COL25A1: variants seen among roughly 807,000 people sequenced by gnomAD.
COL25A1 encodes the protein collagen alpha-1(XXV) chain.
COL25A1 carries 103 observed loss-of-function variants against 128.4 expected under a neutral mutation model. The observed-to-expected ratio is 0.80, with a 90% CI of 0.68 to 0.94. The LOEUF (loss-of-function observed/expected upper bound fraction) is 0.94, where lower values mean the gene tolerates loss of function less well. Among genes scored for constraint, COL25A1 ranks in the 40% least tolerant of loss-of-function variants. The pLI is 0.00. For synonymous variants in COL25A1, 279 were observed against 277.2 expected (o/e 1.01, Z -0.06); for missense variants, 745 against 840.0 (o/e 0.89, Z 1.40).
chr4:108,951,546 C>A (rs917449520), intron 8 of COL25A1, among the ~76,000 whole-genome samples: 2 of 151,864 alleles, frequency 1.3e-5, no homozygotes, highest in Non-Finnish European at 2.9e-5. Flanking sequence ...CCACCACGCC[C>A]GGCAAATTTT....
intron 6 of COL25A1, among the ~76,000 whole-genome samples, chr4:108,984,676 G>A (rs1256370932): frequency 6.6e-6 from 1 of 152,208 alleles, no homozygotes; most frequent in Admixed American, 6.5e-5. Flanking sequence ...ACGCCCACCC[G>A]GAACTCCCGC....
At position 108,929,272 on chromosome 4, in the gene COL25A1, T is replaced by G. The variant is rs890304438; in HGVS notation, c.708+8536A>C. 1.4e-4 allele frequency among the ~76,000 whole-genome samples: 22 copies of G among 151,804 alleles called. No homozygotes were observed. In the East Asian group the frequency reaches 3.5e-3, roughly 24 times the overall value. On this transcript the variant is annotated intron_variant, in intron 11 of 37. Transcript: ENST00000399132. ...CAGAGTAGCTGGGACTACAGGCACC[T>G]CCCACCATGCCTGCTAATTTTTTCT...
At chr4:108,893,047 G>C (rs966278211) in intron 16 of COL25A1, among the ~76,000 whole-genome samples, 1 of 152,150 alleles carries the variant, frequency 6.6e-6, no homozygotes, top group African/African-American at 2.4e-5. Flanking sequence ...AGACAGTTTG[G>C]TTGGCTCCAA....
chr4:109,267,499 C>G (rs1032598664), intron 3 of COL25A1, among the ~76,000 whole-genome samples: 2 of 152,020 alleles, frequency 1.3e-5, no homozygotes, highest in Non-Finnish European at 2.9e-5. Context: ...TCAATGTCTC[C>G]CATCAAACTA....
At chr4:109,105,026 C>T (rs559697203) in intron 3 of COL25A1, among the ~76,000 whole-genome samples, 5 of 152,192 alleles carry the variant, frequency 3.3e-5, no homozygotes, top group Middle Eastern at 3.4e-3. Context: ...TGATATTCTA[C>T]CTTGGATTGT....
chr4:109,141,108 A>T (rs1442154891), intron 3 of COL25A1, among the ~76,000 whole-genome samples: 2 of 152,082 alleles, frequency 1.3e-5, no homozygotes, highest in Non-Finnish European at 2.9e-5. Flanking sequence ...GATATGTTCC[A>T]TCAATACCTA....
At chr4:109,109,447 G>T (rs1189711214) in intron 3 of COL25A1, among the ~76,000 whole-genome samples, 2 of 152,154 alleles carry the variant, frequency 1.3e-5, no homozygotes, top group Non-Finnish European at 2.9e-5. Context: ...TGGCCAGGTT[G>T]GTCTCGAACT....
At chr4:108,841,275 C>T (rs1734424916) in intron 31 of COL25A1, among the ~76,000 whole-genome samples, 1 of 152,106 alleles carries the variant, frequency 6.6e-6, no homozygotes, top group African/African-American at 2.4e-5. Flanking sequence ...AATTAAGATG[C>T]TGGAGAGGCA....
chr4:108,897,021 A>G (rs1463422398), intron 15 of COL25A1, among the ~76,000 whole-genome samples: 1 of 152,166 alleles, frequency 6.6e-6, no homozygotes, highest in Non-Finnish European at 1.5e-5. Flanking sequence ...CTCCACGCAA[A>G]CAAAGGCTTT....
At chr4:109,255,346 C>T (rs1244034922) in intron 3 of COL25A1, among the ~76,000 whole-genome samples, 1 of 152,178 alleles carries the variant, frequency 6.6e-6, no homozygotes, top group African/African-American at 2.4e-5. Flanking sequence ...AAAAATACCA[C>T]ATTGCTAAAA....
chr4:108,946,921 T>C (rs573587607), intron 8 of COL25A1, among the ~76,000 whole-genome samples: 1 of 152,190 alleles, frequency 6.6e-6, no homozygotes, highest in South Asian at 2.1e-4. Context: ...TTAAGGAAGT[T>C]GAAATTTGTA....
chr4:108,902,363 T>C (rs959841999), intron 13 of COL25A1, among the ~76,000 whole-genome samples: 1 of 151,986 alleles, frequency 6.6e-6, no homozygotes, highest in Non-Finnish European at 1.5e-5. Context: ...AGTTAAGTAA[T>C]TTGTCCAGAT....
At chr4:109,110,050 C>T (rs1400917048) in intron 3 of COL25A1, among the ~76,000 whole-genome samples, 6 of 152,142 alleles carry the variant, frequency 3.9e-5, no homozygotes, top group Non-Finnish European at 7.3e-5. Flanking sequence ...TGTTTTCATG[C>T]CTCTATATTC....
At chr4:109,273,675 T>C (rs1157641660) in intron 3 of COL25A1, among the ~76,000 whole-genome samples, 1 of 152,160 alleles carries the variant, frequency 6.6e-6, no homozygotes, top group Non-Finnish European at 1.5e-5. Flanking sequence ...ACAGCAATCC[T>C]ATTTTAAGGC....
intron 3 of COL25A1, among the ~76,000 whole-genome samples, chr4:109,229,173 A>G (rs1047219254): frequency 2.8e-4 from 43 of 152,336 alleles, no homozygotes; most frequent in African/African-American, 7.0e-4. Context: ...GGATTTCTAA[A>G]TAGCTACATT....
intron 3 of COL25A1, among the ~76,000 whole-genome samples, chr4:109,240,689 C>A (rs1779841616): frequency 1.3e-5 from 2 of 152,034 alleles, no homozygotes; most frequent in African/African-American, 4.8e-5. Context: ...CATGAAGAGA[C>A]CCCACTGACA....
intron 11 of COL25A1, among the ~76,000 whole-genome samples, chr4:108,935,324 G>A (rs1025362209): frequency 1.3e-5 from 2 of 152,148 alleles, no homozygotes; most frequent in African/African-American, 4.8e-5. Context: ...GATGGCAACT[G>A]GGGGTAAAGA....
At chr4:109,236,376 T>C (rs775414668) in intron 3 of COL25A1, among the ~76,000 whole-genome samples, 15 of 152,140 alleles carry the variant, frequency 9.9e-5, no homozygotes, top group Non-Finnish European at 2.1e-4. Flanking sequence ...TCTGGTTTGC[T>C]AGGCATCAGA....
intron 3 of COL25A1, among the ~76,000 whole-genome samples, chr4:109,200,470 G>GT (rs368239001): frequency 2.5e-4 from 38 of 151,604 alleles, no homozygotes; most frequent in African/African-American, 9.0e-4. Context: ...CTTTTGTGGG[G>GT]TTTTTTTGAG....
Sources: gnomAD v4.1 joint callset for allele counts (sites outside exome capture counted in the v4.1 genomes callset) on GRCh38, gnomAD v4.1.1 for gene constraint, MANE v1.5 for transcripts, NCBI Gene and HGNC (gene_info 2026-07-23, HGNC 2026-07-21) for gene names.